NPR2: variants seen among roughly 807,000 people sequenced by gnomAD.
The protein encoded by NPR2 is atrial natriuretic peptide receptor 2.
Under a neutral mutation model 120.7 loss-of-function variants are expected in NPR2, and 49 were observed. That is an observed-to-expected ratio of 0.41 (90% confidence interval 0.32 to 0.52). The LOEUF is 0.52. NPR2 is among the 20% of genes least tolerant of loss of function. NPR2 has a pLI of 0.36. For missense variants in NPR2, 931 were observed against 1,362.9 expected (o/e 0.68, Z 4.99); for synonymous variants, 484 against 519.8 (o/e 0.93, Z 0.94).
chr9:35,809,314 G>A lies in NPR2; in HGVS notation c.3079-66G>A. On this transcript the variant is annotated intron_variant, in intron 21 of 21. Transcript: ENST00000342694. The surrounding 1 kb of genome is among the most constrained non-coding windows in gnomAD (Gnocchi z 4.1). ...TGAAAGTGATTATGGGAATCATAGGGAAAGAGAGGGAGACAAAGGGACTAA... is the reference window on the plus strand; with the variant it reads ...TGAAAGTGATTATGGGAATCATAGGAAAAGAGAGGGAGACAAAGGGACTAA... 1 of 1,610,874 alleles carries A rather than the reference G, an allele frequency of 6.2e-7. No homozygotes were observed. The highest frequency in any genetic ancestry group is 1.1e-5 in the South Asian group (1 of 91,020).
In NPR2 at chr9:35,800,234, G is replaced by T; in HGVS notation, c.1123+77G>T. 1 of 1,472,878 alleles carries T rather than the reference G, an allele frequency of 6.8e-7. No homozygotes were observed. The highest frequency in any genetic ancestry group is 9.5e-7 in the Non-Finnish European group (1 of 1,051,308). The allele number at this position is 1,472,878 out of a possible 1,614,324, so 91.2% of individuals were successfully genotyped here. On this transcript the variant is annotated intron_variant, in intron 4 of 21. Transcript: ENST00000342694. This position sits in a 1 kb window ranked among gnomAD's most constrained non-coding sequence, Gnocchi z 4.7. Reference sequence around the variant, plus strand: ...GGGCTGAAGAAGAAACAGATGTCAGGATCACCACAGCTTTAGTGGGGGTTA... The same window carrying T: ...GGGCTGAAGAAGAAACAGATGTCAGTATCACCACAGCTTTAGTGGGGGTTA...
chr9:35,794,081 A>G lies in NPR2; in HGVS notation c.851A>G (p.Gln284Arg), dbSNP rs768832746. The G allele has an allele frequency of 1.2e-6, 2 of 1,614,114 alleles. No homozygotes were observed. The highest frequency in any genetic ancestry group is 1.7e-6 in the Non-Finnish European group (2 of 1,179,944). The part of the protein sequence containing the change: ...WQDNRTREQA[Q>R]ALREAFQTVL... The stretch of plus-strand genomic sequence containing the variant: ...GACAATCGCACCCGGGAACAGGCCC[A>G]GGCCCTCAGAGAGGCCTTTCAGGTA... Residue 284 changes from glutamine to arginine, a missense_variant, in exon 2 of 22, where the codon CAG (glutamine) becomes CGG (arginine). By Grantham distance (43) the Gln-to-Arg change is conservative. This residue lies in a region of NPR2 where 681 missense variants were observed against 974.3 expected (regional missense o/e 0.70). Transcript: ENST00000342694.
chr9:35,799,903 T>C, intron 3 of NPR2, 119 bp from the exon 4 acceptor site: 1 of 1,508,248 alleles, frequency 6.6e-7, no homozygotes, highest in Non-Finnish European at 9.2e-7. Context: ...GATGGCACTT[T>C]AGGAATAAGA....
Position 35,802,246 on chromosome 9 carries a change from T to C in NPR2, c.1673T>C (p.Ile558Thr), listed in dbSNP as rs751324720. 8.1e-6 allele frequency: 13 copies of C among 1,609,046 alleles called. No homozygotes were observed. The highest frequency in any genetic ancestry group is 1.1e-5 in the Non-Finnish European group (13 of 1,175,664). The change falls in exon 10 of 22, where the codon ATT (isoleucine) becomes ACT (threonine). Residue 558 changes from isoleucine to threonine, a missense_variant. Transcript: ENST00000342694. The surrounding 1 kb of genome is among the most constrained non-coding windows in gnomAD (Gnocchi z 4.2). ...ATCAAACATGTGAATAAGAAGCGCA[T>C]TGAGCTGACCCGGCAGGTTCTGTTT... ...VAIKHVNKKR[I>T]ELTRQVLFEL... is the part of the protein sequence containing the mutation.
In NPR2 at chr9:35,802,371, G is replaced by C. The variant is rs534993183; in HGVS notation, c.1710+88G>C. ...AGTAAAATTGGCTAGATGGGCAAGG[G>C]GTTGATTTATAAATGATTTTAAAAT... is the stretch of plus-strand genomic sequence containing the variant. On this transcript the variant is annotated intron_variant, in intron 10 of 21. Coordinates refer to ENST00000342694, the MANE Select transcript of NPR2 (RefSeq NM_003995.4). The surrounding 1 kb of genome is among the most constrained non-coding windows in gnomAD (Gnocchi z 4.2). The C allele has an allele frequency of 4.8e-5, 48 of 991,718 alleles. No individual in the cohort carries two copies. In the South Asian group the frequency reaches 6.0e-4, roughly 12 times the overall value. The allele number at this position is 991,718 out of a possible 1,614,324, so 61.4% of individuals were successfully genotyped here. A position where few individuals can be genotyped will look rare whatever the true frequency, so the allele number is the denominator to read the frequency against.
Position 35,792,236 on chromosome 9 carries a change from A to C in NPR2, c.-173A>C, listed in dbSNP as rs1331801555. ...CTTGCCCGCCCCCCGCCTTCCTCCC[A>C]TCTCCCCCTCCTCTCCCCGGCCCCC... On this transcript the variant is annotated 5_prime_UTR_variant, in exon 1 of 22. Coordinates refer to ENST00000342694, the MANE Select transcript of NPR2 (RefSeq NM_003995.4). The C allele has an allele frequency of 0.024, 3,910 of 160,852 alleles. No individual in the cohort carries two copies. Among genetic ancestry groups the C allele is most frequent in the South Asian group, 0.05 (844 of 17,012 alleles). 10.0% of individuals were successfully genotyped at this position (160,852 alleles called of 1,614,324 possible).
At chr9:35,807,431 C>G (rs748047786) in intron 18 of NPR2, 33 bp downstream of exon 18, 1 of 1,530,566 alleles carries the variant, frequency 6.5e-7, no homozygotes, top group Non-Finnish European at 9.1e-7. Context: ...AATAGAAGAC[C>G]CTTTAATAGA....
chr9:35,807,348 G>A lies in NPR2; in HGVS notation c.2662G>A (p.Asp888Asn). Residue 888 changes from aspartate (D) to asparagine (N), a missense_variant, in exon 18 of 22, where the codon GAC (aspartate) becomes AAC (asparagine). Transcript: ENST00000342694. ...CTTTTAGGTAGTGACACTTCTTAAT[G>A]ACCTGTATACCTGCTTTGATGCCAT... ...TPMQVVTLLN[D>N]LYTCFDAIID... 1 of 1,613,748 alleles carries A rather than the reference G, an allele frequency of 6.2e-7. No homozygotes were observed. The highest frequency in any genetic ancestry group is 8.5e-7 in the Non-Finnish European group (1 of 1,179,664).
chr9:35,801,248 T>C, intron 7 of NPR2, 94 bp downstream of exon 7: 1 of 917,216 alleles, frequency 1.1e-6, no homozygotes, highest in Admixed American at 1.7e-5. Context: ...TGGGATAGGG[T>C]AGTAGGTTTC....
chr9:35,793,194 A>C, intron 1 of NPR2, 119 bp downstream of exon 1: 1 of 1,121,842 alleles, frequency 8.9e-7, no homozygotes, highest in Non-Finnish European at 1.2e-6. Context: ...GGTGGTTGGG[A>C]TCAAGAAGCA....
At chr9:35,797,958 A>G (rs1462128895) in intron 2 of NPR2, among the ~76,000 whole-genome samples, 5 of 152,186 alleles carry the variant, frequency 3.3e-5, no homozygotes, top group African/African-American at 9.7e-5. Flanking sequence ...TTGGACAGCT[A>G]TGGAAGGTGT....
chr9:35,793,840 T>G, intron 1 of NPR2, 58 bp from the exon 2 acceptor site: 1 of 1,531,410 alleles, frequency 6.5e-7, no homozygotes, highest in Non-Finnish European at 9.1e-7. Flanking sequence ...GAGAGGGGGC[T>G]GTGTGGGGGA....
Position 35,802,533 on chromosome 9 carries a change from C to A in NPR2, c.1741C>A (p.Arg581Ser). 1 of 1,606,782 alleles carries A rather than the reference C, an allele frequency of 6.2e-7. No individual in the cohort carries two copies. Among genetic ancestry groups the A allele is most frequent in the Non-Finnish European group, 8.5e-7 (1 of 1,173,370 alleles). ...AGATGTTCAGTTCAACCATCTCACT[C>A]GCTTCATTGGCGCCTGCATAGACCC... ...MRDVQFNHLT[R>S]FIGACIDPPN... The change falls in exon 11 of 22, where the codon CGC becomes AGC. Residue 581 changes from arginine (R) to serine (S), a missense_variant. Physicochemically the swap from Arg to Ser is moderately radical, Grantham distance 110. Coordinates refer to ENST00000342694, the MANE Select transcript of NPR2 (RefSeq NM_003995.4). This position sits in a 1 kb window ranked among gnomAD's most constrained non-coding sequence, Gnocchi z 4.2.
At position 35,808,644 on chromosome 9, in the gene NPR2, C is replaced by A. The variant is rs1828563501; in HGVS notation, c.2848C>A (p.Pro950Thr). 17 of 1,614,212 alleles carry A rather than the reference C, an allele frequency of 1.1e-5. No homozygotes were observed. The highest frequency in any genetic ancestry group is 1.4e-5 in the Non-Finnish European group (16 of 1,180,032). ...AVSSFRIRHR[P>T]HDQLRLRIGV... ...TTCTTCCTTTCGCATCCGCCACCGA[C>A]CCCATGACCAGCTGAGGCTACGCAT... The change falls in exon 19 of 22, where the codon CCC becomes ACC. Residue 950 changes from proline to threonine, a missense_variant. Physicochemically the swap from Pro to Thr is conservative, Grantham distance 38. This residue lies in a region of NPR2 where 184 missense variants were observed against 328.3 expected (regional missense o/e 0.56). Coordinates refer to ENST00000342694, the MANE Select transcript of NPR2 (RefSeq NM_003995.4). The surrounding 1 kb of genome is among the most constrained non-coding windows in gnomAD (Gnocchi z 4.0).
intron 8 of NPR2, 49 bp downstream of exon 8, chr9:35,801,812 C>T: frequency 1.9e-6 from 3 of 1,613,192 alleles, no homozygotes; most frequent in Non-Finnish European, 2.5e-6. Flanking sequence ...AGTTCCTGTC[C>T]CTTCTTACCC....
rs1324548797 is a variant in NPR2, at chr9:35,803,306, G to A, written c.1887+503G>A. On this transcript the variant is annotated intron_variant, in intron 12 of 21. Transcript: ENST00000342694. ...TTTTTAGTAGAGACGGGGTTTCACC[G>A]TTTTAGCCGGGATGGTCTCGATCTC... Among the ~76,000 whole-genome samples the A allele has an allele frequency of 9.6e-5, 13 of 135,356 alleles. 2 individuals carry two copies. Among genetic ancestry groups the A allele is most frequent in the East Asian group, 2.3e-4 (1 of 4,382 alleles). The allele number at this position is 135,356 out of a possible 152,430, so 88.8% of individuals were successfully genotyped here.
chr9:35,801,710 G>A lies in NPR2; in HGVS notation c.1504G>A (p.Gly502Ser). ...WRIRWEELQF[G>S]NSERYHKGAG... Reference sequence around the variant, plus strand: ...TATTCGCTGGGAAGAACTGCAGTTTGGCAACTCAGAGCGTTATCACAAAGG... The same window carrying A: ...TATTCGCTGGGAAGAACTGCAGTTTAGCAACTCAGAGCGTTATCACAAAGG... The change falls in exon 8 of 22, where the codon GGC (glycine) becomes AGC (serine). Residue 502 changes from glycine to serine, a missense_variant. This residue lies in a region of NPR2 where 681 missense variants were observed against 974.3 expected (regional missense o/e 0.70). Transcript: ENST00000342694. 2 of 1,614,158 alleles carry A rather than the reference G, an allele frequency of 1.2e-6. No individual in the cohort carries two copies. The highest frequency in any genetic ancestry group is 1.7e-6 in the Non-Finnish European group (2 of 1,180,018).
intron 2 of NPR2, among the ~76,000 whole-genome samples, chr9:35,794,888 G>A (rs1827902329): frequency 6.6e-6 from 1 of 151,946 alleles, no homozygotes; most frequent in Admixed American, 6.6e-5. Context: ...CAGAATTCAG[G>A]ATTAGAAGAG....
At chr9:35,797,369 C>G (rs1827975197) in intron 2 of NPR2, among the ~76,000 whole-genome samples, 1 of 152,212 alleles carries the variant, frequency 6.6e-6, no homozygotes, top group Non-Finnish European at 1.5e-5. Context: ...GAAACCCAGG[C>G]AGAGGTCACA....
Sources: allele counts gnomAD v4.1 joint callset (sites outside exome capture counted in the v4.1 genomes callset), GRCh38; gene constraint gnomAD v4.1.1; regional missense constraint gnomAD v4.1.1; non-coding constraint Gnocchi (gnomAD v3.1); transcripts MANE v1.5; gene names NCBI Gene and HGNC (gene_info 2026-07-23, HGNC 2026-07-21).